The following PAPPA2 variants were observed in gnomAD, a reference collection of about 807,000 sequenced individuals.
The protein encoded by PAPPA2 is pappalysin 2.
Under a neutral mutation model 176.4 loss-of-function variants are expected in PAPPA2, and 86 were observed. The ratio of observed to expected loss-of-function variants is 0.49; its 90% CI spans 0.41 to 0.58. The LOEUF is 0.58. Among genes scored for constraint, PAPPA2 ranks in the 20% least tolerant of loss-of-function variants. PAPPA2 has a pLI of 0.00. For missense variants in PAPPA2, 2,073 were observed against 2,256.9 expected (o/e 0.92, Z 1.65); for synonymous variants, 809 against 852.2 (o/e 0.95, Z 0.88).
chr1:176,672,068 A>G (rs1659036909), intron 4 of PAPPA2, among the ~76,000 whole-genome samples: 1 of 151,382 alleles, frequency 6.6e-6, no homozygotes, highest in Admixed American at 6.6e-5. Context: ...TAATAATAAT[A>G]AAATAAAAAA....
At chr1:176,805,315 T>C (rs1665856407) in intron 21 of PAPPA2, among the ~76,000 whole-genome samples, 2 of 152,230 alleles carry the variant, frequency 1.3e-5, no homozygotes, top group Non-Finnish European at 2.9e-5. Flanking sequence ...TTCTTGGCTC[T>C]GCTTTCTCTG....
chr1:176,576,615 A>G (rs943382378), intron 2 of PAPPA2, among the ~76,000 whole-genome samples: 1 of 152,094 alleles, frequency 6.6e-6, no homozygotes, highest in African/African-American at 2.4e-5. Flanking sequence ...ACAAAGGCCC[A>G]TCCTCAGGAA....
At chr1:176,649,715 T>G (rs1657606741) in intron 3 of PAPPA2, among the ~76,000 whole-genome samples, 1 of 151,578 alleles carries the variant, frequency 6.6e-6, no homozygotes, top group South Asian at 2.1e-4. Flanking sequence ...TTTCTGACAT[T>G]CCTTTTGCTA....
chr1:176,707,584 T>C (rs369024171), intron 10 of PAPPA2, among the ~76,000 whole-genome samples: 1 of 152,162 alleles, frequency 6.6e-6, no homozygotes, highest in South Asian at 2.1e-4. Flanking sequence ...AATCTAGCCA[T>C]GAAGAATGAA....
intron 12 of PAPPA2, among the ~76,000 whole-genome samples, chr1:176,724,264 A>G (rs1248114939): frequency 6.6e-6 from 1 of 152,172 alleles, no homozygotes; most frequent in Non-Finnish European, 1.5e-5. Context: ...CTGTGTATCT[A>G]TTAATCTAGT....
chr1:176,818,557 A>C (rs1571372937), intron 21 of PAPPA2, among the ~76,000 whole-genome samples: 1 of 151,846 alleles, frequency 6.6e-6, no homozygotes, highest in African/African-American at 2.4e-5. Flanking sequence ...TATTAGCTCT[A>C]CCTTTAAAAT....
At chr1:176,827,090 C>T (rs145351617) in intron 21 of PAPPA2, among the ~76,000 whole-genome samples, 18 of 152,302 alleles carry the variant, frequency 1.2e-4, no homozygotes, top group African/African-American at 4.3e-4. Context: ...GACTTTCCTT[C>T]ACAAAACCCC....
At chr1:176,737,547 T>A (rs1245370716) in intron 12 of PAPPA2, among the ~76,000 whole-genome samples, 1 of 152,104 alleles carries the variant, frequency 6.6e-6, no homozygotes, top group Non-Finnish European at 1.5e-5. Context: ...TTCCATAACT[T>A]GATCAAACAC....
chr1:176,654,410 T>C (rs1657912392), intron 3 of PAPPA2, among the ~76,000 whole-genome samples: 1 of 150,232 alleles, frequency 6.7e-6, no homozygotes, highest in Non-Finnish European at 1.5e-5. Context: ...CCCATTGATA[T>C]ATGAGTCTGT....
At chr1:176,476,090 A>G (rs929957026) in intron 1 of PAPPA2, among the ~76,000 whole-genome samples, 2 of 152,208 alleles carry the variant, frequency 1.3e-5, no homozygotes, top group Non-Finnish European at 2.9e-5. Context: ...ATCATTTTCC[A>G]TGCCCCTGAT....
chr1:176,674,335 C>T (rs1026424311), intron 4 of PAPPA2, among the ~76,000 whole-genome samples: 12 of 152,008 alleles, frequency 7.9e-5, no homozygotes, highest in African/African-American at 2.9e-4. Context: ...TTAGTGATGA[C>T]TTCTGAGATT....
chr1:176,803,318 CT>C (rs1275781828), intron 21 of PAPPA2, among the ~76,000 whole-genome samples: 4 of 152,134 alleles, frequency 2.6e-5, no homozygotes, highest in Non-Finnish European at 4.4e-5. Flanking sequence ...GAGATTCTTA[CT>C]GGTGTCATTT....
At chr1:176,536,080 G>C (rs1049954494) in intron 1 of PAPPA2, among the ~76,000 whole-genome samples, 4 of 152,142 alleles carry the variant, frequency 2.6e-5, no homozygotes, top group Non-Finnish European at 5.9e-5. Flanking sequence ...ATAACAGCCT[G>C]TGAGGTTCCC....
intron 21 of PAPPA2, among the ~76,000 whole-genome samples, chr1:176,818,471 G>GA: frequency 6.6e-6 from 1 of 152,272 alleles, no homozygotes; most frequent in Admixed American, 6.5e-5. Flanking sequence ...CCGTCCGGTT[G>GA]CTCAGGACAA....
chr1:176,804,617 A>G (rs1665818308), intron 21 of PAPPA2, among the ~76,000 whole-genome samples: 1 of 152,106 alleles, frequency 6.6e-6, no homozygotes, highest in Non-Finnish European at 1.5e-5. Context: ...TGGGTTATAT[A>G]ATCATACTCT....
intron 21 of PAPPA2, among the ~76,000 whole-genome samples, chr1:176,839,747 C>T (rs1667412749): frequency 6.6e-6 from 1 of 152,182 alleles, no homozygotes; most frequent in African/African-American, 2.4e-5. Context: ...CAATTCTTAT[C>T]ATCTCTATGC....
chr1:176,845,022 C>G lies in PAPPA2; in HGVS notation c.*2568C>G, dbSNP rs1278180231. ...CCAGCCATAGTCAGCTATAGCTATT[C>G]AGAGACAGCAGGTTCTTCCAGTCTT... is the stretch of plus-strand genomic sequence containing the variant. On this transcript the variant is annotated 3_prime_UTR_variant, in exon 23 of 23. Transcript: ENST00000367662. The G allele has an allele frequency of 6.6e-6, 1 of 152,044 alleles. No homozygotes were observed. The highest frequency in any genetic ancestry group is 1.9e-4 in the East Asian group (1 of 5,190). 9.4% of individuals were successfully genotyped at this position (152,044 alleles called of 1,614,324 possible).
At chr1:176,540,604 A>T (rs1227014608) in intron 1 of PAPPA2, among the ~76,000 whole-genome samples, 7 of 152,212 alleles carry the variant, frequency 4.6e-5, no homozygotes, top group Non-Finnish European at 1.0e-4. Flanking sequence ...GGCTCAACTT[A>T]TGCTTCCTGG....
chr1:176,511,317 C>T (rs1165089311), intron 1 of PAPPA2, among the ~76,000 whole-genome samples: 2 of 151,990 alleles, frequency 1.3e-5, no homozygotes, highest in Non-Finnish European at 2.9e-5. Flanking sequence ...AAAATATAGC[C>T]CTCATTCATG....
Sources: allele counts gnomAD v4.1 joint callset (sites outside exome capture counted in the v4.1 genomes callset), GRCh38; gene constraint gnomAD v4.1.1; transcripts MANE v1.5; gene names NCBI Gene and HGNC (gene_info 2026-07-23, HGNC 2026-07-21).